PAX5: variants seen among roughly 807,000 people sequenced by gnomAD.
PAX5 encodes the protein paired box protein Pax-5.
In PAX5, 9 loss-of-function variants were observed where a neutral mutation model predicts 43.7. That is an observed-to-expected ratio of 0.21 (90% CI 0.12 to 0.36). PAX5 has a LOEUF of 0.36. PAX5 is among the 10% of genes least tolerant of loss of function. The probability of loss-of-function intolerance (pLI) is 1.00; values close to 1 mark genes in which losing one functional copy is unlikely to be tolerated. For missense variants in PAX5, 383 were observed against 532.7 expected (o/e 0.72, Z 2.77); for synonymous variants, 228 against 214.3 (o/e 1.06, Z -0.56).
rs1821767354 is a variant in PAX5 at position 36,838,075 on chromosome 9, A to G, written c.*2485T>C. On this transcript the variant is annotated 3_prime_UTR_variant, in exon 10 of 10. Transcript: ENST00000358127. ...GAGGCAGGGAGAGAGATGCCAGGTAACATACCTTCTCCTACCTTACCTGAC... is the reference window on the plus strand; with the variant it reads ...GAGGCAGGGAGAGAGATGCCAGGTAGCATACCTTCTCCTACCTTACCTGAC... 6 of 233,334 alleles carry G rather than the reference A, an allele frequency of 2.6e-5. No homozygotes were observed. The South Asian group carries it at 9.0e-4, about 35-fold the overall frequency. 14.5% of individuals were successfully genotyped at this position (233,334 alleles called of 1,614,324 possible). A position where few individuals can be genotyped will look rare whatever the true frequency, so the allele number is the denominator to read the frequency against.
intron 7 of PAX5, among the ~76,000 whole-genome samples, chr9:36,911,480 C>T (rs1829285771): frequency 6.6e-6 from 1 of 152,234 alleles, no homozygotes; most frequent in South Asian, 2.1e-4. Context: ...CTCTGATAGC[C>T]AGCCCAGCAT....
intron 5 of PAX5, among the ~76,000 whole-genome samples, chr9:36,992,871 AG>A (rs1391689129): frequency 6.6e-6 from 1 of 152,262 alleles, no homozygotes; most frequent in Non-Finnish European, 1.5e-5. Flanking sequence ...GGTTGGAAGA[AG>A]GGGTCCCCAA....
chr9:37,028,710 C>A (rs1292666303), intron 1 of PAX5, among the ~76,000 whole-genome samples: 1 of 152,160 alleles, frequency 6.6e-6, no homozygotes, highest in Non-Finnish European at 1.5e-5. Context: ...CTGAAGCGGG[C>A]GGGTGGACAG....
Position 36,840,478 on chromosome 9 carries a change from C to T in PAX5, c.*82G>A. ...ATGCTGGGGGACGGTCTCATGGGCT[C>T]TCTGGCTATCTTCAGGAGGGCTGGG... On this transcript the variant is annotated 3_prime_UTR_variant, in exon 10 of 10. Coordinates refer to ENST00000358127, the MANE Select transcript of PAX5 (RefSeq NM_016734.3). The T allele has an allele frequency of 7.3e-7, 1 of 1,364,042 alleles. No individual in the cohort carries two copies. Among genetic ancestry groups the T allele is most frequent in the Non-Finnish European group, 1.0e-6 (1 of 982,206 alleles). The allele number at this position is 1,364,042 out of a possible 1,614,324, so 84.5% of individuals were successfully genotyped here. A position where few individuals can be genotyped will look rare whatever the true frequency, so the allele number is the denominator to read the frequency against.
At chr9:36,958,331 C>T (rs1391471468) in intron 6 of PAX5, among the ~76,000 whole-genome samples, 4 of 151,834 alleles carry the variant, frequency 2.6e-5, no homozygotes, top group African/African-American at 9.7e-5. Flanking sequence ...AGGAACTGGA[C>T]TCTCCTCCAC....
At chr9:37,026,715 C>T in intron 1 of PAX5, 1 of 1,286,298 alleles carries the variant, frequency 7.8e-7, no homozygotes, top group Non-Finnish European at 1.0e-6. Context: ...GCTTCGGGGT[C>T]TCTCTCAGAG....
intron 5 of PAX5, among the ~76,000 whole-genome samples, chr9:36,990,629 T>A: frequency 6.6e-6 from 1 of 152,008 alleles, no homozygotes; most frequent in African/African-American, 2.4e-5. Context: ...GAGAAGAGAG[T>A]GCTTGGACTA....
chr9:36,922,619 A>G (rs1338804720), intron 7 of PAX5: 1 of 152,200 alleles, frequency 6.6e-6, no homozygotes, highest in Non-Finnish European at 1.5e-5. Flanking sequence ...TAACAGCTAC[A>G]TGTATTGGGT....
chr9:36,886,782 A>G (rs1310617254), intron 7 of PAX5, among the ~76,000 whole-genome samples: 1 of 152,180 alleles, frequency 6.6e-6, no homozygotes, highest in African/African-American at 2.4e-5. Flanking sequence ...AAATGAATCA[A>G]TTTGCATTCC....
chr9:36,918,101 C>G (rs113055062), intron 7 of PAX5, among the ~76,000 whole-genome samples: 2,535 of 152,254 alleles, frequency 0.017, 74 homozygotes, highest in African/African-American at 0.058. Context: ...TTAGGCCAAT[C>G]AATAACCCTA....
chr9:36,957,473 G>A lies in PAX5; in HGVS notation c.780+9076C>T, dbSNP rs571642513. Among the ~76,000 whole-genome samples, 474 of 152,196 alleles carry A rather than the reference G, an allele frequency of 3.1e-3. 3 individuals carry two copies. Among genetic ancestry groups the A allele is most frequent in the Non-Finnish European group, 5.5e-3 (373 of 68,018 alleles). On this transcript the variant is annotated intron_variant, in intron 6 of 9. Coordinates refer to ENST00000358127, the MANE Select transcript of PAX5 (RefSeq NM_016734.3). ...TACCTTGTCCATTTTTGCTAGGTTGGCAACCCTACAGAGGAAGAATAAGAA... is the reference window on the plus strand; with the variant it reads ...TACCTTGTCCATTTTTGCTAGGTTGACAACCCTACAGAGGAAGAATAAGAA...
intron 2 of PAX5, 70 bp downstream of exon 2, chr9:37,020,566 G>T: frequency 6.8e-7 from 1 of 1,462,788 alleles, no homozygotes; most frequent in Non-Finnish European, 9.5e-7. Flanking sequence ...TGTCATATTG[G>T]ACAGCTGCTG....
intron 9 of PAX5, among the ~76,000 whole-genome samples, 157 bp downstream of exon 9, chr9:36,846,686 G>C (rs1822605881): frequency 6.6e-6 from 1 of 152,130 alleles, no homozygotes; most frequent in Admixed American, 6.5e-5. Context: ...CTGCCCTAAG[G>C]CCCCCATGAA....
At chr9:36,897,879 G>A (rs1828007708) in intron 7 of PAX5, among the ~76,000 whole-genome samples, 1 of 152,216 alleles carries the variant, frequency 6.6e-6, no homozygotes, top group African/African-American at 2.4e-5. Context: ...CTTGGCCAAA[G>A]TCAGCCGTGT....
intron 8 of PAX5, among the ~76,000 whole-genome samples, chr9:36,857,796 C>T (rs752162246): frequency 2.0e-5 from 3 of 152,212 alleles, no homozygotes; most frequent in Admixed American, 6.5e-5. Flanking sequence ...CACAAAGACA[C>T]GACTGTCCTT....
At chr9:36,857,967 C>A (rs1382840505) in intron 8 of PAX5, among the ~76,000 whole-genome samples, 1 of 152,224 alleles carries the variant, frequency 6.6e-6, no homozygotes, top group Non-Finnish European at 1.5e-5. Flanking sequence ...GGCTGCCACT[C>A]CATGTTGGTA....
intron 6 of PAX5, among the ~76,000 whole-genome samples, chr9:36,951,786 T>C (rs1833032394): frequency 6.6e-6 from 1 of 152,216 alleles, no homozygotes; most frequent in African/African-American, 2.4e-5. Flanking sequence ...TTCTATTGGA[T>C]CCACTAAGTA....
chr9:36,966,865 A>ACCTG, intron 5 of PAX5, 141 bp from the exon 6 acceptor site: 1 of 713,562 alleles, frequency 1.4e-6, no homozygotes, highest in Non-Finnish European at 2.3e-6. Context: ...GGGCTCAGGT[A>ACCTG]AGGCACTGCC....
rs767065092 is a variant in PAX5 at position 36,839,587 on chromosome 9, C to T, written c.*973G>A. ...GGGTGAAGTGTCCATGGCAGGTGTC[C>T]GAAGTGACCTGAACCTGGGCATGCC... On this transcript the variant is annotated 3_prime_UTR_variant, in exon 10 of 10. Transcript: ENST00000358127. 6.0e-5 allele frequency: 14 copies of T among 233,280 alleles called. No individual in the cohort carries two copies. Among genetic ancestry groups the T allele is most frequent in the Non-Finnish European group, 1.0e-4 (12 of 118,102 alleles). 14.5% of individuals were successfully genotyped at this position (233,280 alleles called of 1,614,324 possible).
Sources: allele counts gnomAD v4.1 joint callset (sites outside exome capture counted in the v4.1 genomes callset), GRCh38; gene constraint gnomAD v4.1.1; transcripts MANE v1.5; gene names NCBI Gene and HGNC (gene_info 2026-07-23, HGNC 2026-07-21).